The following CSPP1 variants were observed in gnomAD, a reference collection of about 807,000 sequenced individuals.
The protein encoded by CSPP1 is centrosome and spindle pole associated protein 1.
Under a neutral mutation model 164.4 loss-of-function variants are expected in CSPP1, and 126 were observed. The observed-to-expected ratio is 0.77, with a 90% confidence interval of 0.66 to 0.89. The LOEUF is 0.89. Among genes scored for constraint, CSPP1 ranks in the 40% least tolerant of loss-of-function variants. The pLI, the probability that CSPP1 is intolerant of heterozygous loss-of-function variation, is 0.00. For missense variants in CSPP1, 1,395 were observed against 1,449.8 expected (o/e 0.96, Z 0.61); for synonymous variants, 472 against 476.7 (o/e 0.99, Z 0.13).
rs938989037 is a variant in CSPP1 at position 67,193,316 on chromosome 8, T to C, written c.3331-148T>C. 29 of 540,684 alleles carry C rather than the reference T, an allele frequency of 5.4e-5. No individual in the cohort carries two copies. The South Asian group carries it at 6.2e-4, about 11-fold the overall frequency. 33.5% of individuals were successfully genotyped at this position (540,684 alleles called of 1,614,324 possible). A position where few individuals can be genotyped will look rare whatever the true frequency, so the allele number is the denominator to read the frequency against. On this transcript the variant is annotated intron_variant, in intron 29 of 30. Coordinates refer to ENST00000678616, the MANE Select transcript of CSPP1 (RefSeq NM_001382391.1). ...TTCACCATGTTTGCCAGGCTGGTCTTGAACTCCTGACTTCAGGTGATCTGC... is the reference window on the plus strand; with the variant it reads ...TTCACCATGTTTGCCAGGCTGGTCTCGAACTCCTGACTTCAGGTGATCTGC...
Position 67,172,462 on chromosome 8 carries a change from C to T in CSPP1, c.2875C>T (p.Arg959Trp), listed in dbSNP as rs777007960. The change falls in exon 25 of 31, where the codon CGG becomes TGG. Residue 959 changes from arginine (R) to tryptophan (W), a missense_variant. Physicochemically the swap from Arg to Trp is moderately radical, Grantham distance 101. Coordinates refer to ENST00000678616, the MANE Select transcript of CSPP1 (RefSeq NM_001382391.1). ...GGATATATTTGATATGGCTAGACAT[C>T]GGTTGCAAGCTCCTGTCAGAAGACA... ...PMDIFDMARH[R>W]LQAPVRRQSP... 2.2e-5 allele frequency: 36 copies of T among 1,612,394 alleles called. No individual in the cohort carries two copies. The highest frequency in any genetic ancestry group is 7.7e-5 in the South Asian group (7 of 91,040).
intron 4 of CSPP1, among the ~76,000 whole-genome samples, chr8:67,091,111 A>G (rs1051365629): frequency 4.6e-5 from 7 of 152,068 alleles, no homozygotes; most frequent in African/African-American, 1.7e-4. Context: ...TCCTTATACC[A>G]GCTTTGGTAG....
At chr8:67,185,192 GTTCTC>G (rs1344677351) in intron 28 of CSPP1, among the ~76,000 whole-genome samples, 1 of 151,986 alleles carries the variant, frequency 6.6e-6, no homozygotes, top group Non-Finnish European at 1.5e-5. Flanking sequence ...CTGCATGGCT[GTTCTC>G]TTGAGAAGTG....
Position 67,105,926 on chromosome 8 carries a change from C to A in CSPP1, c.1044C>A (p.Ser348=). 1 of 1,587,696 alleles carries A rather than the reference C, an allele frequency of 6.3e-7. No homozygotes were observed. The highest frequency in any genetic ancestry group is 8.6e-7 in the Non-Finnish European group (1 of 1,156,186). Residue 348 remains serine, a synonymous_variant, in exon 9 of 31, where the codon TCC becomes TCA. Coordinates refer to ENST00000678616, the MANE Select transcript of CSPP1 (RefSeq NM_001382391.1). Reference sequence around the variant, plus strand: ...TTAGTGCTCCAGACAATGAAACATCCAAATCTGCTAATCAAGATACCTGTA... The same window carrying A: ...TTAGTGCTCCAGACAATGAAACATCAAAATCTGCTAATCAAGATACCTGTA... ...ENKSAPDNET[S]KSANQDTCSP...
chr8:67,100,320 A>ATGGTGTTTGCTT (rs778295153), intron 7 of CSPP1, among the ~76,000 whole-genome samples: 37 of 152,254 alleles, frequency 2.4e-4, no homozygotes, highest in Admixed American at 1.2e-3. Context: ...TCTTGTGTTT[A>ATGGTGTTTGCTT]TGGTGTTTGC....
chr8:67,167,879 A>C (rs899395284), intron 24 of CSPP1, among the ~76,000 whole-genome samples: 11 of 152,026 alleles, frequency 7.2e-5, no homozygotes, highest in African/African-American at 2.4e-4. Context: ...GATGCTCCTC[A>C]CTTCCCAGAC....
chr8:67,116,222 A>G (rs1254577451), intron 13 of CSPP1, 100 bp downstream of exon 13: 8 of 840,476 alleles, frequency 9.5e-6, no homozygotes, highest in Non-Finnish European at 1.5e-5. Context: ...TTCTTCAGAG[A>G]TTTTGTACAG....
At chr8:67,073,912 T>A (rs1003575674) in intron 1 of CSPP1, among the ~76,000 whole-genome samples, 1 of 152,014 alleles carries the variant, frequency 6.6e-6, no homozygotes, top group African/African-American at 2.4e-5. Flanking sequence ...TCCCAATATT[T>A]AAAAAAAACT....
intron 9 of CSPP1, among the ~76,000 whole-genome samples, chr8:67,110,660 A>G (rs1030961565): frequency 8.6e-5 from 13 of 151,728 alleles, no homozygotes; most frequent in East Asian, 1.9e-4. Flanking sequence ...CTCTTTATCT[A>G]CTCAATTTAG....
intron 25 of CSPP1, chr8:67,174,806 C>T (rs1418855016): frequency 6.5e-6 from 1 of 153,254 alleles, no homozygotes; most frequent in Admixed American, 6.5e-5. Flanking sequence ...CCCTCAAGTT[C>T]CAGCCAGTCT....
chr8:67,096,436 G>A (rs1350697005), intron 7 of CSPP1, among the ~76,000 whole-genome samples: 1 of 152,008 alleles, frequency 6.6e-6, no homozygotes, highest in Non-Finnish European at 1.5e-5. Flanking sequence ...ATGGAGGTGC[G>A]CATCTGTAAT....
At chr8:67,167,136 A>C (rs1342753765) in intron 24 of CSPP1, among the ~76,000 whole-genome samples, 1 of 152,230 alleles carries the variant, frequency 6.6e-6, no homozygotes, top group Non-Finnish European at 1.5e-5. Flanking sequence ...CTACACAGAC[A>C]CAGCAACAAT....
chr8:67,122,393 TG>T (rs1394143106), intron 15 of CSPP1, among the ~76,000 whole-genome samples: 1 of 152,210 alleles, frequency 6.6e-6, no homozygotes, highest in East Asian at 1.9e-4. Context: ...CTCTTAGTAC[TG>T]TTTTAGCTAC....
At chr8:67,094,197 G>C (rs1162340935) in intron 6 of CSPP1, among the ~76,000 whole-genome samples, 1 of 140,010 alleles carries the variant, frequency 7.1e-6, no homozygotes, top group Non-Finnish European at 1.5e-5. Flanking sequence ...TATATCCTTT[G>C]TGTTGAGAAT....
rs1563605966 is a variant in CSPP1 at position 67,118,766 on chromosome 8, C to CA, written c.1643dup (p.Pro549AlafsTer6). 1 of 1,612,000 alleles carries CA rather than the reference C, an allele frequency of 6.2e-7. No homozygotes were observed. The highest frequency in any genetic ancestry group is 1.1e-5 in the South Asian group (1 of 90,904). On this transcript the variant is annotated frameshift_variant, in exon 15 of 31. Transcript: ENST00000678616. LOFTEE classifies it high-confidence loss of function. ...AGATGGTTCAGGAATGATGGGCGTA[C>CA]AGCCTGCAGCTTATGTTAGTGCTCC... is the stretch of plus-strand genomic sequence containing the variant.
In CSPP1 at chr8:67,074,291, AG is replaced by A. The variant is rs1325219541; in HGVS notation, c.40del (p.Ala14ProfsTer19). 3.7e-6 allele frequency: 6 copies of A among 1,611,968 alleles called. No homozygotes were observed. Among genetic ancestry groups the A allele is most frequent in the Non-Finnish European group, 5.1e-6 (6 of 1,179,084 alleles). ...TGGATGAATTTATTGAAGAGCAAAA[AG>A]CCAGATTGGCCGAAGACAAAGCAGA... ...NLDEFIEEQK[A>X]RLAEDKAELE... is the part of the protein sequence containing the mutation. On this transcript the variant is annotated frameshift_variant, in exon 2 of 31. Coordinates refer to ENST00000678616, the MANE Select transcript of CSPP1 (RefSeq NM_001382391.1). LOFTEE classifies it high-confidence loss of function.
intron 28 of CSPP1, among the ~76,000 whole-genome samples, chr8:67,189,409 C>A (rs1279841329): frequency 1.3e-5 from 2 of 152,080 alleles, no homozygotes; most frequent in East Asian, 1.9e-4. Flanking sequence ...TACATCCAGA[C>A]AATGCAATAT....
At chr8:67,120,011 G>A (rs1818671185) in intron 15 of CSPP1, among the ~76,000 whole-genome samples, 1 of 152,112 alleles carries the variant, frequency 6.6e-6, no homozygotes, top group Non-Finnish European at 1.5e-5. Context: ...TAGGTCTTAT[G>A]TTGAGCTGTT....
chr8:67,159,961 CTTTTCTTTTCTTTT>C, intron 21 of CSPP1, among the ~76,000 whole-genome samples: 1 of 29,256 alleles, frequency 3.4e-5, no homozygotes, highest in East Asian at 8.5e-4. Context: ...TTCCTTCTTT[CTTTTCTTTTCTTTT>C]CTTTTCTTTT....
Sources: gnomAD v4.1 joint callset for allele counts (sites outside exome capture counted in the v4.1 genomes callset) on GRCh38, gnomAD v4.1.1 for gene constraint, MANE v1.5 for transcripts, NCBI Gene and HGNC (gene_info 2026-07-23, HGNC 2026-07-21) for gene names.